The following PRKN variants were observed in gnomAD, a reference collection of about 807,000 sequenced individuals.
PRKN encodes parkin RBR E3 ubiquitin protein ligase, also known as E3 ubiquitin-protein ligase parkin.
PRKN carries 56 observed loss-of-function variants against 59.5 expected under a neutral mutation model. That is an observed-to-expected ratio of 0.94 (90% confidence interval 0.76 to 1.18). The LOEUF is 1.18. Among genes scored for constraint, PRKN ranks in the 50% most tolerant of loss-of-function variants. The pLI is 0.00. For synonymous variants in PRKN, 250 were observed against 222.1 expected, an observed-to-expected ratio of 1.13 and a Z score of -1.12; for missense variants, 657 against 596.4, an observed-to-expected ratio of 1.10 and a Z score of -1.06.
At chr6:161,678,500 G>A (rs1199690171) in intron 7 of PRKN, among the ~76,000 whole-genome samples, 1 of 150,900 alleles carries the variant, frequency 6.6e-6, no homozygotes, top group East Asian at 1.9e-4. Context: ...ATAAATACAG[G>A]TCATATATCA....
At chr6:162,100,434 T>C (rs138120078) in intron 4 of PRKN, among the ~76,000 whole-genome samples, 55 of 151,980 alleles carry the variant, frequency 3.6e-4, no homozygotes, top group African/African-American at 8.9e-4. Flanking sequence ...TTATCACTTA[T>C]TATCTCTTGT....
intron 6 of PRKN, among the ~76,000 whole-genome samples, chr6:161,876,716 A>G (rs1438655889): frequency 1.3e-5 from 2 of 152,136 alleles, no homozygotes; most frequent in South Asian, 2.1e-4. Flanking sequence ...TTTTGAAAAT[A>G]TTCTTTTATT....
chr6:162,675,063 T>C (rs968961814), intron 1 of PRKN, among the ~76,000 whole-genome samples: 1 of 135,982 alleles, frequency 7.4e-6, no homozygotes, highest in Non-Finnish European at 1.6e-5. Context: ...TTTATTTATT[T>C]ATGAAACGGA....
intron 2 of PRKN, among the ~76,000 whole-genome samples, chr6:162,274,514 C>A (rs117548539): frequency 2.6e-5 from 4 of 151,832 alleles, no homozygotes; most frequent in African/African-American, 9.7e-5. Context: ...TAAGACATAA[C>A]TAATATATTG....
At chr6:162,705,764 T>C (rs1408572696) in intron 1 of PRKN, among the ~76,000 whole-genome samples, 2 of 152,198 alleles carry the variant, frequency 1.3e-5, no homozygotes, top group African/African-American at 4.8e-5. Context: ...TAACCCTCAG[T>C]CAGCCCTGTA....
chr6:161,395,595 T>G lies in PRKN; in HGVS notation c.1084-8718A>C, dbSNP rs1001679299. 1.3e-5 allele frequency among the ~76,000 whole-genome samples: 2 copies of G among 152,208 alleles called. No homozygotes were observed. The highest frequency in any genetic ancestry group is 2.9e-5 in the Non-Finnish European group (2 of 68,036). On this transcript the variant is annotated intron_variant, in intron 9 of 11. Transcript: ENST00000366898. The surrounding 1 kb of genome is among the most constrained non-coding windows in gnomAD (Gnocchi z 5.0). Reference sequence around the variant, plus strand: ...TAGCAGCAAGGTGGGTGGAAGCTGCTTCCCCAACACGCTGTGGTCTCAACC... The same window carrying G: ...TAGCAGCAAGGTGGGTGGAAGCTGCGTCCCCAACACGCTGTGGTCTCAACC...
At chr6:162,431,064 T>TA (rs1010665260) in intron 2 of PRKN, among the ~76,000 whole-genome samples, 1 of 151,454 alleles carries the variant, frequency 6.6e-6, no homozygotes, top group African/African-American at 2.4e-5. Context: ...GTTGGTCCCT[T>TA]AAAAAAAACA....
At chr6:161,877,605 G>A (rs1404871941) in intron 6 of PRKN, among the ~76,000 whole-genome samples, 2 of 151,568 alleles carry the variant, frequency 1.3e-5, no homozygotes, top group Non-Finnish European at 2.9e-5. Context: ...GACTACAGGT[G>A]CCCGCCACCA....
chr6:161,805,452 G>GCACACA (rs1554310490), intron 6 of PRKN, among the ~76,000 whole-genome samples: 699 of 39,114 alleles, frequency 0.018, 8 homozygotes, highest in African/African-American at 0.028. Flanking sequence ...GTACACACAT[G>GCACACA]CACACACACA....
chr6:162,470,269 T>C (rs1238059830), intron 1 of PRKN, among the ~76,000 whole-genome samples: 1 of 152,152 alleles, frequency 6.6e-6, no homozygotes, highest in African/African-American at 2.4e-5. Context: ...GAAGTATACA[T>C]TTTCATTCAC....
At chr6:162,396,953 C>T (rs1417142630) in intron 2 of PRKN, among the ~76,000 whole-genome samples, 1 of 152,136 alleles carries the variant, frequency 6.6e-6, no homozygotes, top group Non-Finnish European at 1.5e-5. Flanking sequence ...TACACACAGG[C>T]ATAGGGTTTG....
intron 9 of PRKN, among the ~76,000 whole-genome samples, chr6:161,517,415 C>A (rs971032063): frequency 2.0e-5 from 3 of 151,944 alleles, no homozygotes; most frequent in African/African-American, 7.3e-5. Flanking sequence ...TGGGTAAGGA[C>A]CCAGCCACAC....
intron 2 of PRKN, among the ~76,000 whole-genome samples, chr6:162,442,181 T>C (rs1278284323): frequency 2.6e-5 from 4 of 152,206 alleles, no homozygotes; most frequent in African/African-American, 9.7e-5. Context: ...CTTCTTTGTA[T>C]ACCCAAATTC....
At chr6:162,533,253 G>T (rs1378358984) in intron 1 of PRKN, among the ~76,000 whole-genome samples, 1 of 152,238 alleles carries the variant, frequency 6.6e-6, no homozygotes, top group Non-Finnish European at 1.5e-5. Context: ...GCTGGGCGCG[G>T]TGGCTCACGC....
rs71004055 is a variant in PRKN at position 161,581,041 on chromosome 6, A to AACACAC, written c.872-11631_872-11626dup. Among the ~76,000 whole-genome samples, 15,929 of 137,442 alleles carry AACACAC rather than the reference A, an allele frequency of 0.12. 949 individuals are homozygous for AACACAC. The highest frequency in any genetic ancestry group is 0.13 in the Middle Eastern group (36 of 270). The allele number at this position is 137,442 out of a possible 152,430, so 90.2% of individuals were successfully genotyped here. On this transcript the variant is annotated intron_variant, in intron 7 of 11. Coordinates refer to ENST00000366898, the MANE Select transcript of PRKN (RefSeq NM_004562.3). This position sits in a 1 kb window ranked among gnomAD's most constrained non-coding sequence, Gnocchi z 4.5. The stretch of plus-strand genomic sequence containing the variant: ...ACACAGTGAAATCCTGTCTCTACTA[A>AACACAC]ACACACACACACACACACACACACA...
Position 161,399,271 on chromosome 6 carries a change from T to C in PRKN, c.1084-12394A>G, listed in dbSNP as rs1786918046. 6.6e-6 allele frequency among the ~76,000 whole-genome samples: 1 copy of C among 152,128 alleles called. No individual in the cohort carries two copies. Among genetic ancestry groups the C allele is most frequent in the Non-Finnish European group, 1.5e-5 (1 of 68,022 alleles). The stretch of plus-strand genomic sequence containing the variant: ...TCCTTCAAGTCCATGGGTGACCTGA[T>C]TTTTCTGGATGCCAGACAAGAACTT... On this transcript the variant is annotated intron_variant, in intron 9 of 11. Transcript: ENST00000366898. The surrounding 1 kb of genome is among the most constrained non-coding windows in gnomAD (Gnocchi z 4.4).
At chr6:162,547,183 C>G (rs1174232977) in intron 1 of PRKN, among the ~76,000 whole-genome samples, 4 of 152,164 alleles carry the variant, frequency 2.6e-5, no homozygotes, top group Non-Finnish European at 5.9e-5. Context: ...CACATCATTA[C>G]AGAATTTTTC....
intron 1 of PRKN, among the ~76,000 whole-genome samples, chr6:162,570,909 G>A (rs1211267126): frequency 1.3e-5 from 2 of 152,126 alleles, no homozygotes; most frequent in African/African-American, 4.8e-5. Flanking sequence ...TAACTTAATT[G>A]TGTATTTTAA....
At position 161,364,762 on chromosome 6, in the gene PRKN, C is replaced by T. The variant is rs552335212; in HGVS notation, c.1168-4557G>A. On this transcript the variant is annotated intron_variant, in intron 10 of 11. Transcript: ENST00000366898. ...AGGAGTTCAAGATCAGCCTGGCCAA[C>T]ACAGCGAAACCGTCTCTACTAAAAA... 8.0e-4 allele frequency among the ~76,000 whole-genome samples: 121 copies of T among 152,016 alleles called. 1 individual carries two copies. The highest frequency in any genetic ancestry group is 2.8e-3 in the African/African-American group (117 of 41,460).
Sources: gnomAD v4.1 joint callset for allele counts (sites outside exome capture counted in the v4.1 genomes callset) on GRCh38, gnomAD v4.1.1 for gene constraint, Gnocchi (gnomAD v3.1) non-coding constraint, MANE v1.5 for transcripts, NCBI Gene and HGNC (gene_info 2026-07-23, HGNC 2026-07-21) for gene names.